UBR1: variants seen among roughly 807,000 people sequenced by gnomAD.
UBR1 encodes ubiquitin protein ligase E3 component n-recognin 1.
A neutral mutation model predicts 242.1 loss-of-function variants in UBR1; 102 were observed. The observed-to-expected ratio is 0.42, with a 90% CI of 0.36 to 0.50. The LOEUF (loss-of-function observed/expected upper bound fraction) is 0.50. UBR1 is among the 20% of genes least tolerant of loss of function. UBR1 has a pLI of 0.01. For missense variants in UBR1, 1,772 were observed against 2,101.8 expected (o/e 0.84, Z 3.07); for synonymous variants, 675 against 684.8 (o/e 0.99, Z 0.22).
chr15:42,988,063 G>T (rs1048831144), intron 35 of UBR1, among the ~76,000 whole-genome samples: 1 of 152,096 alleles, frequency 6.6e-6, no homozygotes. Context: ...GCTGGTTTCT[G>T]CCTGCTAATC....
At position 43,086,128 on chromosome 15, in the gene UBR1, C is replaced by T; in HGVS notation, c.194G>A (p.Ser65Asn). Residue 65 changes from serine to asparagine, a missense_variant, in exon 2 of 47, where the codon AGT (serine) becomes AAT (asparagine). By Grantham distance (46) the Ser-to-Asn change is conservative. Around this residue, in one of 3 missense-constraint regions of UBR1, gnomAD observed 734 missense variants for 893.3 expected, o/e 0.82. Transcript: ENST00000290650. ...TGGAGTGAATATTGACATTTGTACA[C>T]TTTCCTCCTGCTTTTCCAAGTCTGG... ...MDPDLEKQEE[S>N]VQMSIFTPLE... 1 of 1,614,002 alleles carries T rather than the reference C, an allele frequency of 6.2e-7. No homozygotes were observed. The highest frequency in any genetic ancestry group is 8.5e-7 in the Non-Finnish European group (1 of 1,180,004).
Position 43,059,147 on chromosome 15 carries a change from G to A in UBR1, c.1031C>T (p.Pro344Leu). 6.2e-7 allele frequency: 1 copy of A among 1,614,104 alleles called. No homozygotes were observed. Among genetic ancestry groups the A allele is most frequent in the Non-Finnish European group, 8.5e-7 (1 of 1,180,030 alleles). The change falls in exon 9 of 47, where the codon CCT (proline) becomes CTT (leucine). Residue 344 changes from proline to leucine, a missense_variant. Physicochemically the swap from Pro to Leu is moderately conservative, Grantham distance 98. Around this residue, in one of 3 missense-constraint regions of UBR1, gnomAD observed 734 missense variants for 893.3 expected, o/e 0.82. Coordinates refer to ENST00000290650, the MANE Select transcript of UBR1 (RefSeq NM_174916.3). ...IFCQACLREE[P>L]DSENPCLISR... is the part of the protein sequence containing the mutation. The stretch of plus-strand genomic sequence containing the variant: ...TATGAGACAGGGATTCTCCGAGTCA[G>A]GTTCTTCTCTAAGGCATGCTTGGCA...
Position 42,945,523 on chromosome 15 carries a change from C to T in UBR1, c.5109-53G>A, listed in dbSNP as rs1261942213. 4.4e-6 allele frequency: 7 copies of T among 1,602,980 alleles called. No homozygotes were observed. The East Asian group carries it at 1.1e-4, about 26-fold the overall frequency. ...GTAAGTTTGAATCTAGTAACTGCCA[C>T]ATCTTTATTGTCTAAATTAGTATGC... On this transcript the variant is annotated intron_variant, in intron 46 of 46. Transcript: ENST00000290650.
chr15:43,057,565 T>C (rs1022748872), intron 10 of UBR1, among the ~76,000 whole-genome samples: 7 of 152,194 alleles, frequency 4.6e-5, no homozygotes, highest in African/African-American at 1.7e-4. Context: ...AGGTAAGAGA[T>C]ACACGATAGA....
At chr15:43,057,449 T>C (rs1196163076) in intron 10 of UBR1, among the ~76,000 whole-genome samples, 2 of 152,326 alleles carry the variant, frequency 1.3e-5, no homozygotes, top group East Asian at 3.9e-4. Context: ...CAAGTATGAC[T>C]GGCAAGTATG....
chr15:43,092,035 G>A (rs2141366002), intron 1 of UBR1: 2 of 454,584 alleles, frequency 4.4e-6, no homozygotes, highest in Non-Finnish European at 8.8e-6. Flanking sequence ...AGTGAGCGGA[G>A]ATCATGCCAC....
chr15:43,012,974 C>T (rs1342264130), intron 29 of UBR1, among the ~76,000 whole-genome samples: 1 of 152,192 alleles, frequency 6.6e-6, no homozygotes, highest in Non-Finnish European at 1.5e-5. Flanking sequence ...GGCACAATCT[C>T]TGCTCACTAC....
intron 13 of UBR1, 137 bp downstream of exon 13, chr15:43,048,255 A>C (rs1208142535): frequency 3.0e-6 from 2 of 664,582 alleles, no homozygotes; most frequent in African/African-American, 1.8e-5. Flanking sequence ...AGGATGAGTG[A>C]GTCAATGTTT....
At chr15:43,072,155 A>G (rs747163980) in intron 4 of UBR1, among the ~76,000 whole-genome samples, 2 of 151,960 alleles carry the variant, frequency 1.3e-5, no homozygotes, top group Admixed American at 6.6e-5. Flanking sequence ...CCCAGCCACC[A>G]TAATAAGCTT....
At chr15:42,999,782 T>C (rs1022528659) in intron 32 of UBR1, among the ~76,000 whole-genome samples, 3 of 150,756 alleles carry the variant, frequency 2.0e-5, no homozygotes, top group African/African-American at 7.3e-5. Flanking sequence ...TGAGCTAAGA[T>C]CACACCACTG....
At chr15:43,037,517 G>T (rs773558422) in intron 17 of UBR1, among the ~76,000 whole-genome samples, 6 of 152,090 alleles carry the variant, frequency 3.9e-5, no homozygotes, top group Non-Finnish European at 7.4e-5. Context: ...TGTTAATGGG[G>T]AGGACTCTGG....
In UBR1 at chr15:43,086,251, A is replaced by G. The variant is rs2034034522; in HGVS notation, c.82-11T>C. 6.2e-7 allele frequency: 1 copy of G among 1,613,492 alleles called. No individual in the cohort carries two copies. Among genetic ancestry groups the G allele is most frequent in the Admixed American group, 1.7e-5 (1 of 59,974 alleles). ...TTGCTGATCCCACCACTAAAAGAAA[A>G]GAAGATGAAAATTAGACTGACTTAC... On this transcript the variant is annotated splice_polypyrimidine_tract_variant and intron_variant, in intron 1 of 46. Coordinates refer to ENST00000290650, the MANE Select transcript of UBR1 (RefSeq NM_174916.3).
chr15:43,040,075 C>T (rs1256615783), intron 15 of UBR1, among the ~76,000 whole-genome samples: 1 of 152,120 alleles, frequency 6.6e-6, no homozygotes, highest in Non-Finnish European at 1.5e-5. Context: ...CAATGACTTT[C>T]TTCACAGAAT....
At chr15:43,033,047 CTA>C (rs2141313491) in intron 19 of UBR1, among the ~76,000 whole-genome samples, 1 of 152,288 alleles carries the variant, frequency 6.6e-6, no homozygotes, top group South Asian at 2.1e-4. Context: ...CTGATTTTCA[CTA>C]AGTATAAAAC....
intron 20 of UBR1, among the ~76,000 whole-genome samples, chr15:43,030,773 A>G (rs2033245589): frequency 6.6e-6 from 1 of 152,218 alleles, no homozygotes. Context: ...ACTGATTTTC[A>G]ACACTACAGT....
In UBR1 at chr15:42,998,371, G is replaced by C. The variant is rs557946454; in HGVS notation, c.3660-106C>G. The C allele has an allele frequency of 1.9e-4, 189 of 993,834 alleles. 2 individuals carry two copies. The South Asian group carries it at 2.1e-3, about 11-fold the overall frequency. The allele number at this position is 993,834 out of a possible 1,614,324, so 61.6% of individuals were successfully genotyped here. On this transcript the variant is annotated intron_variant, in intron 32 of 46. Transcript: ENST00000290650. ...ATAAATGGTCATATAAAAAAGTTGA[G>C]TTCCTCCAGATTAATTTCCTAGGTC...
intron 19 of UBR1, 139 bp from the exon 20 acceptor site, chr15:43,032,770 G>C (rs897271464): frequency 5.4e-6 from 3 of 557,234 alleles, no homozygotes; most frequent in Non-Finnish European, 9.6e-6. Context: ...TGTGTGCACA[G>C]CACAAATAGT....
intron 18 of UBR1, 50 bp from the exon 19 acceptor site, chr15:43,036,329 ATT>A (rs1444510379): frequency 3.9e-6 from 6 of 1,527,826 alleles, no homozygotes; most frequent in Non-Finnish European, 5.4e-6. Flanking sequence ...ATGGAGAAAC[ATT>A]TTGTCTCATG....
In UBR1 at chr15:43,042,664, T is replaced by C. The variant is rs550672356; in HGVS notation, c.1849+551A>G. On this transcript the variant is annotated intron_variant, in intron 15 of 46. Transcript: ENST00000290650. ...TGGTTGTAGAAAATGTGAATATACT[T>C]AGTGCCACTGAACTGTACACTTAAA... Among the ~76,000 whole-genome samples the C allele has an allele frequency of 2.3e-3, 357 of 152,306 alleles. 4 individuals carry two copies. The Middle Eastern group carries it at 0.037, about 16-fold the overall frequency.
Sources: allele counts gnomAD v4.1 joint callset (sites outside exome capture counted in the v4.1 genomes callset), GRCh38; gene constraint gnomAD v4.1.1; regional missense constraint gnomAD v4.1.1; transcripts MANE v1.5; gene names NCBI Gene and HGNC (gene_info 2026-07-23, HGNC 2026-07-21).